Variants in VPS54 observed in about 807,000 individuals in gnomAD.
VPS54 encodes the protein VPS54 subunit of GARP complex.
A neutral mutation model predicts 121.5 loss-of-function variants in VPS54; 45 were observed. That is an observed-to-expected ratio of 0.37 (90% CI 0.29 to 0.47). The LOEUF (loss-of-function observed/expected upper bound fraction) is 0.47. Among genes scored for constraint, VPS54 ranks in the 20% least tolerant of loss-of-function variants. The probability of loss-of-function intolerance (pLI) is 0.99; values close to 1 mark genes in which losing one functional copy is unlikely to be tolerated. For missense variants in VPS54, 1,090 were observed against 1,131.4 expected, an observed-to-expected ratio of 0.96 and a Z score of 0.52; for synonymous variants, 371 against 385.8, an observed-to-expected ratio of 0.96 and a Z score of 0.45.
At chr2:63,966,735 GT>G (rs1360868927) in intron 5 of VPS54, among the ~76,000 whole-genome samples, 2 of 152,106 alleles carry the variant, frequency 1.3e-5, no homozygotes, top group African/African-American at 4.8e-5. Context: ...ACCCTTCATT[GT>G]TTTTCTGGAC....
intron 6 of VPS54, among the ~76,000 whole-genome samples, chr2:63,964,545 C>G (rs934562004): frequency 1.3e-5 from 2 of 152,172 alleles, no homozygotes; most frequent in East Asian, 1.9e-4. Context: ...GTGTCATGAG[C>G]AAGCCTGTGT....
Position 63,981,743 on chromosome 2 carries a change from C to T in VPS54, c.281G>A (p.Trp94Ter). The T allele has an allele frequency of 6.2e-7, 1 of 1,613,722 alleles. No individual in the cohort carries two copies. The highest frequency in any genetic ancestry group is 8.5e-7 in the Non-Finnish European group (1 of 1,179,770). Residue 94 changes from tryptophan to a stop codon, truncating the protein, a stop_gained, in exon 3 of 23, where the codon TGG (tryptophan) becomes TAG (stop). Transcript: ENST00000272322. LOFTEE classifies it high-confidence loss of function. ...TTCAGTGTCCACAAAGTCCAATCCC[C>T]ATGTTTTTGTGAAGAAGTCAGATTC... ...KRESDFFTKT[W>*]GLDFVDTEVI...
chr2:63,905,053 A>G (rs1672844982), intron 20 of VPS54, among the ~76,000 whole-genome samples: 2 of 152,224 alleles, frequency 1.3e-5, no homozygotes, highest in African/African-American at 4.8e-5. Context: ...CAAAAGCAGT[A>G]CATAAAGGAA....
chr2:63,927,724 G>C (rs745621025), intron 12 of VPS54, among the ~76,000 whole-genome samples: 4 of 152,162 alleles, frequency 2.6e-5, no homozygotes, highest in Non-Finnish European at 5.9e-5. Context: ...TGAGCTAAAG[G>C]AGCATGTTCT....
At chr2:63,965,675 C>A (rs1181064938) in intron 6 of VPS54, among the ~76,000 whole-genome samples, 160 bp downstream of exon 6, 1 of 152,082 alleles carries the variant, frequency 6.6e-6, no homozygotes, top group Non-Finnish European at 1.5e-5. Flanking sequence ...AACCAAAATG[C>A]TGTTAGTTTA....
At chr2:63,993,941 C>G (rs533173787) in intron 1 of VPS54, among the ~76,000 whole-genome samples, 1 of 152,280 alleles carries the variant, frequency 6.6e-6, no homozygotes, top group African/African-American at 2.4e-5. Flanking sequence ...TATAGGATTT[C>G]CCCAAAACCT....
intron 14 of VPS54, among the ~76,000 whole-genome samples, chr2:63,920,234 A>T (rs1673580630): frequency 6.6e-6 from 1 of 152,114 alleles, no homozygotes; most frequent in Admixed American, 6.6e-5. Context: ...CTTACTGAGG[A>T]TCTTCCTGAT....
At chr2:63,977,073 C>G (rs1676571168) in intron 3 of VPS54, among the ~76,000 whole-genome samples, 2 of 152,110 alleles carry the variant, frequency 1.3e-5, no homozygotes, top group African/African-American at 4.8e-5. Context: ...AGGTGATCCA[C>G]CTACCTCAGC....
chr2:63,983,180 T>G (rs1676877537), intron 2 of VPS54, among the ~76,000 whole-genome samples: 1 of 150,948 alleles, frequency 6.6e-6, no homozygotes, highest in African/African-American at 2.4e-5. Flanking sequence ...AGAAACAGTC[T>G]CGTTCTGTCA....
At chr2:63,978,051 G>A (rs961955642) in intron 3 of VPS54, among the ~76,000 whole-genome samples, 2 of 152,182 alleles carry the variant, frequency 1.3e-5, no homozygotes, top group East Asian at 1.9e-4. Flanking sequence ...CGTGAAGGGA[G>A]GGGAAGCATT....
intron 6 of VPS54, 52 bp from the exon 7 acceptor site, chr2:63,962,495 A>T: frequency 6.6e-7 from 1 of 1,513,280 alleles, no homozygotes; most frequent in South Asian, 1.3e-5. Context: ...ACCTTCCTTG[A>T]TTATCCAAAT....
intron 20 of VPS54, among the ~76,000 whole-genome samples, chr2:63,902,144 A>G (rs1047925444): frequency 1.3e-5 from 2 of 152,248 alleles, no homozygotes; most frequent in Non-Finnish European, 2.9e-5. Context: ...CCAGGGATAC[A>G]GGCTCTACCT....
intron 1 of VPS54, among the ~76,000 whole-genome samples, chr2:64,008,027 G>C (rs1678247189): frequency 6.7e-6 from 1 of 150,264 alleles, no homozygotes; most frequent in Non-Finnish European, 1.5e-5. Context: ...AAAAAAAAAA[G>C]AACAAGAGTT....
At chr2:63,997,856 C>A (rs1476404198) in intron 1 of VPS54, among the ~76,000 whole-genome samples, 1 of 151,898 alleles carries the variant, frequency 6.6e-6, no homozygotes, top group Non-Finnish European at 1.5e-5. Flanking sequence ...CTCTTTGTAT[C>A]ATTTTTGCTG....
At chr2:63,942,263 T>TATATATA (rs1429812915) in intron 11 of VPS54, among the ~76,000 whole-genome samples, 3 of 152,054 alleles carry the variant, frequency 2.0e-5, no homozygotes, top group Admixed American at 1.3e-4. Flanking sequence ...TTTTAAGTTA[T>TATATATA]AAAATTATAA....
At chr2:63,992,815 AT>A (rs758398496) in intron 1 of VPS54, among the ~76,000 whole-genome samples, 15 of 152,068 alleles carry the variant, frequency 9.9e-5, no homozygotes, top group South Asian at 2.1e-4. Context: ...ATAGTTATTG[AT>A]TTTTTTATAT....
At chr2:63,922,055 C>T (rs917683134) in intron 12 of VPS54, among the ~76,000 whole-genome samples, 9 of 152,166 alleles carry the variant, frequency 5.9e-5, no homozygotes, top group African/African-American at 1.7e-4. Context: ...ATATTCAGTT[C>T]AACTGAACTA....
At chr2:63,942,378 T>C in intron 11 of VPS54, 87 bp downstream of exon 11, 3 of 898,342 alleles carry the variant, frequency 3.3e-6, no homozygotes, top group Non-Finnish European at 4.7e-6. Flanking sequence ...TGTTTTATTC[T>C]AGTTTGAGTC....
In VPS54 at chr2:63,895,162, AG is replaced by A. The variant is rs571475457; in HGVS notation, c.2829-1628del. 7.9e-5 allele frequency among the ~76,000 whole-genome samples: 12 copies of A among 152,322 alleles called. No homozygotes were observed. In the South Asian group the frequency reaches 2.5e-3, roughly 32 times the overall value. The stretch of plus-strand genomic sequence containing the variant: ...TAGAGGAAAAAAAATCACATTAAAA[AG>A]TACAGAGCTGGGCCGGGTGCAGTGG... On this transcript the variant is annotated intron_variant, in intron 22 of 22. Transcript: ENST00000272322.
Sources: allele counts gnomAD v4.1 joint callset (sites outside exome capture counted in the v4.1 genomes callset), GRCh38; gene constraint gnomAD v4.1.1; transcripts MANE v1.5; gene names NCBI Gene and HGNC (gene_info 2026-07-23, HGNC 2026-07-21).